EFCAB11: variants seen among roughly 807,000 people sequenced by gnomAD.
EFCAB11 encodes EF-hand calcium-binding domain-containing protein 11.
EFCAB11 carries 14 observed loss-of-function variants against 23.0 expected under a neutral mutation model. The observed-to-expected ratio is 0.61, with a 90% confidence interval of 0.40 to 0.95. The LOEUF is 0.95. Ranked by LOEUF, EFCAB11 falls within the 40% of genes least tolerant of loss-of-function variation. EFCAB11 has a pLI of 0.00. For synonymous variants in EFCAB11, 65 were observed against 66.6 expected (o/e 0.98, Z 0.11); for missense variants, 198 against 195.8 (o/e 1.01, Z -0.07).
At chr14:89,874,533 C>T (rs997919423) in intron 5 of EFCAB11, among the ~76,000 whole-genome samples, 1 of 152,162 alleles carries the variant, frequency 6.6e-6, no homozygotes, top group East Asian at 1.9e-4. Context: ...TTATGCTCTG[C>T]TTCCCTTTTA....
chr14:89,887,482 ATAAT>A lies in EFCAB11; in HGVS notation c.410+44055_410+44058del, dbSNP rs139647382. ...TTCTTTTTAAAAAGTAAAACTAGAA[ATAAT>A]TTGTTTTCTATCCATAAACATTTAA... On this transcript the variant is annotated intron_variant, in intron 5 of 5. Transcript: ENST00000316738. Among the ~76,000 whole-genome samples the A allele has an allele frequency of 2.5e-3, 376 of 152,350 alleles. 2 individuals are homozygous for A. Among genetic ancestry groups the A allele is most frequent in the African/African-American group, 8.8e-3 (364 of 41,574 alleles).
At chr14:89,854,808 G>A (rs1336523058) in intron 5 of EFCAB11, among the ~76,000 whole-genome samples, 1 of 152,016 alleles carries the variant, frequency 6.6e-6, no homozygotes, top group African/African-American at 2.4e-5. Context: ...CGTGCATCCT[G>A]TCACCACGAT....
intron 5 of EFCAB11, among the ~76,000 whole-genome samples, chr14:89,819,445 G>A (rs2140099722): frequency 7.9e-6 from 1 of 126,996 alleles, no homozygotes; most frequent in Non-Finnish European, 1.5e-5. Context: ...CTCCAGGCAA[G>A]GTCTCACTTT....
chr14:89,853,517 C>T (rs1251690444), intron 5 of EFCAB11, among the ~76,000 whole-genome samples: 1 of 152,096 alleles, frequency 6.6e-6, no homozygotes, highest in African/African-American at 2.4e-5. Flanking sequence ...CAGAGAGGCA[C>T]CTAAGCAACT....
intron 5 of EFCAB11, chr14:89,837,205 T>C: frequency 4.5e-6 from 2 of 441,434 alleles, no homozygotes; most frequent in East Asian, 7.0e-5. Flanking sequence ...CCTTATACTA[T>C]TTATTCTCTA....
intron 5 of EFCAB11, among the ~76,000 whole-genome samples, chr14:89,863,242 C>G (rs1887984075): frequency 6.6e-6 from 1 of 152,184 alleles, no homozygotes; most frequent in Non-Finnish European, 1.5e-5. Context: ...AGAAAGCCAG[C>G]TAAGAACTCT....
At position 89,952,326 on chromosome 14, in the gene EFCAB11, C is replaced by T. The variant is rs907127357; in HGVS notation, c.171+1580G>A. ...CATCACTGTATCTGTCATTAAATTCCTCATTCTAAAATTGAAACCAAATAG... is the reference window on the plus strand; with the variant it reads ...CATCACTGTATCTGTCATTAAATTCTTCATTCTAAAATTGAAACCAAATAG... On this transcript the variant is annotated intron_variant, in intron 2 of 5. Coordinates refer to ENST00000316738, the MANE Select transcript of EFCAB11 (RefSeq NM_145231.4). 6.9e-6 allele frequency: 6 copies of T among 871,584 alleles called. No individual in the cohort carries two copies. In the African/African-American group the frequency reaches 9.1e-5, roughly 13 times the overall value. The allele number at this position is 871,584 out of a possible 1,614,324, so 54.0% of individuals were successfully genotyped here.
At chr14:89,914,460 G>A (rs1889774618) in intron 5 of EFCAB11, among the ~76,000 whole-genome samples, 1 of 152,130 alleles carries the variant, frequency 6.6e-6, no homozygotes, top group Non-Finnish European at 1.5e-5. Context: ...GAAAAACTGA[G>A]CAGTAAAAAA....
intron 5 of EFCAB11, among the ~76,000 whole-genome samples, chr14:89,892,977 C>T (rs982204993): frequency 2.0e-5 from 3 of 152,278 alleles, no homozygotes; most frequent in Non-Finnish European, 2.9e-5. Context: ...GCCTCAGTGT[C>T]CTTATCTATC....
chr14:89,896,753 C>T (rs888325359), intron 5 of EFCAB11, among the ~76,000 whole-genome samples: 19 of 152,016 alleles, frequency 1.2e-4, no homozygotes, highest in South Asian at 6.3e-4. Flanking sequence ...AGCAGTGGCA[C>T]GAGCATAGCT....
At chr14:89,807,331 T>A (rs1886000860) in intron 5 of EFCAB11, among the ~76,000 whole-genome samples, 1 of 152,232 alleles carries the variant, frequency 6.6e-6, no homozygotes, top group Admixed American at 6.5e-5. Flanking sequence ...ACAGATGGCA[T>A]AATGGCTCAG....
chr14:89,830,813 C>T (rs981476021), intron 5 of EFCAB11: 5 of 152,156 alleles, frequency 3.3e-5, no homozygotes, highest in African/African-American at 1.2e-4. Context: ...GCTATACACT[C>T]ATAATTGCAA....
intron 5 of EFCAB11, among the ~76,000 whole-genome samples, chr14:89,814,078 A>G (rs1387444952): frequency 2.4e-5 from 3 of 122,500 alleles, no homozygotes; most frequent in African/African-American, 5.2e-5. Context: ...GGAGAAAAAA[A>G]AAACTAACCT....
chr14:89,918,526 G>GT (rs750983548), intron 5 of EFCAB11, among the ~76,000 whole-genome samples: 1 of 148,768 alleles, frequency 6.7e-6, no homozygotes, highest in Non-Finnish European at 1.5e-5. Flanking sequence ...GCAACAGAGC[G>GT]AGACTCCATC....
intron 3 of EFCAB11, among the ~76,000 whole-genome samples, chr14:89,948,879 TA>T (rs1192035778): frequency 7.4e-6 from 1 of 134,340 alleles, no homozygotes; most frequent in African/African-American, 2.9e-5. Flanking sequence ...GGTTAATGGA[TA>T]CAAAAAAAAA....
At chr14:89,949,073 T>C (rs1891072448) in intron 3 of EFCAB11, among the ~76,000 whole-genome samples, 1 of 152,174 alleles carries the variant, frequency 6.6e-6, no homozygotes, top group South Asian at 2.1e-4. Flanking sequence ...TAGTATTTGA[T>C]AGCACAATAG....
intron 5 of EFCAB11, among the ~76,000 whole-genome samples, chr14:89,910,622 C>G (rs1284880214): frequency 8.3e-6 from 1 of 119,830 alleles, no homozygotes; most frequent in Non-Finnish European, 1.5e-5. Flanking sequence ...TACATACATA[C>G]ATACATACAT....
At chr14:89,923,961 T>G (rs1890102196) in intron 5 of EFCAB11, 1 of 984,430 alleles carries the variant, frequency 1.0e-6, no homozygotes. Context: ...CTCAGCTCTG[T>G]AAGACTCTTC....
chr14:89,950,896 C>A (rs1338832509), intron 2 of EFCAB11, among the ~76,000 whole-genome samples: 1 of 152,098 alleles, frequency 6.6e-6, no homozygotes, highest in Admixed American at 6.5e-5. Context: ...TTCAAGTCCC[C>A]TCCTACCCTT....
Sources: gnomAD v4.1 joint callset for allele counts (sites outside exome capture counted in the v4.1 genomes callset) on GRCh38, gnomAD v4.1.1 for gene constraint, MANE v1.5 for transcripts, NCBI Gene and HGNC (gene_info 2026-07-23, HGNC 2026-07-21) for gene names.